Variants in KAZN observed in about 807,000 individuals in gnomAD.
The protein encoded by KAZN is kazrin.
Under a neutral mutation model 87.4 loss-of-function variants are expected in KAZN, and 40 were observed. The observed-to-expected ratio is 0.46, with a 90% confidence interval of 0.36 to 0.60. KAZN has a LOEUF of 0.60. KAZN is among the 20% of genes least tolerant of loss of function. The pLI, the probability that KAZN is intolerant of heterozygous loss-of-function variation, is 0.00. For missense variants in KAZN, 898 were observed against 1,073.9 expected (o/e 0.84, Z 2.29); for synonymous variants, 466 against 458.3 (o/e 1.02, Z -0.22).
chr1:14,675,184 C>T (rs1218839687), intron 1 of KAZN, among the ~76,000 whole-genome samples: 5 of 152,182 alleles, frequency 3.3e-5, no homozygotes, highest in African/African-American at 1.2e-4. Context: ...GAGCAAGAGC[C>T]ACAGGCTGCC....
chr1:14,906,000 C>T (rs1435519830), intron 1 of KAZN, among the ~76,000 whole-genome samples: 1 of 151,474 alleles, frequency 6.6e-6, no homozygotes, highest in Non-Finnish European at 1.5e-5. Context: ...GACCCCGTCT[C>T]TACTAAAAAT....
intron 1 of KAZN, among the ~76,000 whole-genome samples, chr1:14,861,882 C>G (rs1650894241): frequency 6.6e-6 from 1 of 152,182 alleles, no homozygotes; most frequent in Non-Finnish European, 1.5e-5. Context: ...GAGCAGGGAA[C>G]CAACCAGAGG....
At chr1:14,357,213 GCTCT>G (rs147630353) in intron 2 of KAZN, among the ~76,000 whole-genome samples, 12,022 of 151,984 alleles carry the variant, frequency 0.079, 518 homozygotes, top group African/African-American at 0.11. Context: ...TCATGATTTG[GCTCT>G]CTGTTTGTCT....
At chr1:14,383,627 G>C (rs1305504024) in intron 2 of KAZN, among the ~76,000 whole-genome samples, 109 of 152,082 alleles carry the variant, frequency 7.2e-4, no homozygotes, top group African/African-American at 2.6e-3. Context: ...GATAGTTGTA[G>C]ATATGCGGCA....
intron 8 of KAZN, among the ~76,000 whole-genome samples, chr1:15,072,802 G>T (rs1008700210): frequency 6.6e-6 from 1 of 152,140 alleles, no homozygotes; most frequent in Non-Finnish European, 1.5e-5. Context: ...TAACTTTGCT[G>T]TGTAGTCTCA....
chr1:14,480,805 T>C (rs917988095), intron 2 of KAZN, among the ~76,000 whole-genome samples: 3 of 146,474 alleles, frequency 2.0e-5, no homozygotes, highest in Admixed American at 6.9e-5. Context: ...GTAATTTATT[T>C]ATATATATTT....
At chr1:14,952,240 C>CTG (rs56104480) in intron 1 of KAZN, among the ~76,000 whole-genome samples, 9,496 of 143,844 alleles carry the variant, frequency 0.066, 381 homozygotes, top group African/African-American at 0.1. Context: ...TTCTTTCCCA[C>CTG]TGTGTGTGTG....
At chr1:14,103,102 T>C (rs1210982520) in intron 1 of KAZN, among the ~76,000 whole-genome samples, 1 of 152,018 alleles carries the variant, frequency 6.6e-6, no homozygotes. Context: ...GCATTTTTAG[T>C]AGAGCTGAGG....
chr1:14,250,565 T>A (rs1447415554), intron 2 of KAZN, among the ~76,000 whole-genome samples: 3 of 150,770 alleles, frequency 2.0e-5, no homozygotes, highest in African/African-American at 7.3e-5. Flanking sequence ...ATTATGAGAG[T>A]TAAAAAAAAA....
intron 2 of KAZN, among the ~76,000 whole-genome samples, chr1:14,973,234 G>A (rs1665263842): frequency 1.3e-5 from 2 of 152,206 alleles, no homozygotes; most frequent in Admixed American, 6.5e-5. Context: ...TCATTCAGCA[G>A]ATACTTGTTG....
intron 1 of KAZN, among the ~76,000 whole-genome samples, chr1:14,047,141 T>C (rs1642111408): frequency 6.6e-6 from 1 of 152,184 alleles, no homozygotes; most frequent in South Asian, 2.1e-4. Context: ...AAACTCTTTG[T>C]TTAGAAGCGG....
chr1:14,432,982 A>G (rs1201428209), intron 2 of KAZN, among the ~76,000 whole-genome samples: 1 of 151,928 alleles, frequency 6.6e-6, no homozygotes, highest in Non-Finnish European at 1.5e-5. Context: ...ATGTATATGT[A>G]TAGTTGTACA....
At chr1:14,371,513 G>A (rs1242088684) in intron 2 of KAZN, among the ~76,000 whole-genome samples, 2 of 152,308 alleles carry the variant, frequency 1.3e-5, no homozygotes, top group African/African-American at 4.8e-5. Context: ...AATTGGAAAA[G>A]GGTGGTCCCA....
intron 2 of KAZN, among the ~76,000 whole-genome samples, chr1:14,981,993 G>C (rs1369309267): frequency 1.3e-5 from 2 of 152,188 alleles, no homozygotes; most frequent in African/African-American, 4.8e-5. Flanking sequence ...CCTGTCAGCT[G>C]TGATCTAAAT....
At chr1:13,929,485 C>T (rs539320543) in intron 1 of KAZN, among the ~76,000 whole-genome samples, 11 of 152,260 alleles carry the variant, frequency 7.2e-5, no homozygotes, top group African/African-American at 2.6e-4. Context: ...TCCATCATTG[C>T]GACACCTTCT....
intron 1 of KAZN, among the ~76,000 whole-genome samples, chr1:14,805,465 T>C (rs1646177969): frequency 6.6e-6 from 1 of 152,076 alleles, no homozygotes; most frequent in Non-Finnish European, 1.5e-5. Flanking sequence ...AAATGGAATA[T>C]CTGGGTTACT....
At chr1:15,074,874 C>G (rs1320653186) in intron 8 of KAZN, among the ~76,000 whole-genome samples, 2 of 152,186 alleles carry the variant, frequency 1.3e-5, no homozygotes, top group Non-Finnish European at 2.9e-5. Flanking sequence ...AGGGATGAAA[C>G]AGGCCAATAT....
chr1:14,788,421 G>A (rs987602952), intron 1 of KAZN, among the ~76,000 whole-genome samples: 4 of 152,180 alleles, frequency 2.6e-5, no homozygotes. Flanking sequence ...AATACTAAGA[G>A]GTGCTTCGGG....
intron 2 of KAZN, among the ~76,000 whole-genome samples, chr1:14,580,073 A>G (rs1010018962): frequency 1.3e-5 from 2 of 152,282 alleles, no homozygotes. Context: ...TTTTTGTGGC[A>G]TATTATTTAG....
Sources: allele counts gnomAD v4.1 joint callset (sites outside exome capture counted in the v4.1 genomes callset), GRCh38; gene constraint gnomAD v4.1.1; transcripts MANE v1.5; gene names NCBI Gene and HGNC (gene_info 2026-07-23, HGNC 2026-07-21).